The following KIAA0319 variants were observed in gnomAD, a reference collection of about 807,000 sequenced individuals.
KIAA0319 encodes the protein dyslexia-associated protein KIAA0319.
KIAA0319 carries 83 observed loss-of-function variants against 108.4 expected under a neutral mutation model. That is an observed-to-expected ratio of 0.77 (90% CI 0.64 to 0.92). The LOEUF (loss-of-function observed/expected upper bound fraction) is 0.92, where lower values mean the gene tolerates loss of function less well. KIAA0319 is among the 40% of genes least tolerant of loss of function. KIAA0319 has a pLI of 0.00. For missense variants in KIAA0319, 1,195 were observed against 1,322.4 expected (o/e 0.90, Z 1.49); for synonymous variants, 484 against 510.4 (o/e 0.95, Z 0.70).
rs374927235 is a variant in KIAA0319, at chr6:24,568,940, T to C, written c.1992-11A>G. The C allele has an allele frequency of 3.1e-6, 5 of 1,613,376 alleles. No homozygotes were observed. Among genetic ancestry groups the C allele is most frequent in the Non-Finnish European group, 4.2e-6 (5 of 1,179,386 alleles). ...ACTGCACTGGGGCCTCTATAAAACATAGAAGTGGTTAACATAAGGGAGGGG... is the reference window on the plus strand; with the variant it reads ...ACTGCACTGGGGCCTCTATAAAACACAGAAGTGGTTAACATAAGGGAGGGG... On this transcript the variant is annotated splice_polypyrimidine_tract_variant and intron_variant, in intron 12 of 20. Coordinates refer to ENST00000378214, the MANE Select transcript of KIAA0319 (RefSeq NM_014809.4).
chr6:24,591,309 C>T (rs747088751), intron 3 of KIAA0319, among the ~76,000 whole-genome samples: 20 of 152,044 alleles, frequency 1.3e-4, no homozygotes, highest in African/African-American at 2.7e-4. Flanking sequence ...GACTGTCTTC[C>T]GAAGCAGCTA....
intron 1 of KIAA0319, among the ~76,000 whole-genome samples, chr6:24,613,120 T>A (rs190696064): frequency 4.9e-4 from 75 of 152,292 alleles, no homozygotes; most frequent in Admixed American, 2.0e-3. Context: ...TTTTAATATT[T>A]AAAAAAATAA....
chr6:24,593,334 G>A (rs957905298), intron 3 of KIAA0319, among the ~76,000 whole-genome samples: 4 of 149,302 alleles, frequency 2.7e-5, no homozygotes, highest in African/African-American at 4.9e-5. Context: ...TCTCTAACAC[G>A]TGTTCATTTT....
rs1206971145 is a variant in KIAA0319, at chr6:24,563,406, C to T, written c.2544G>A (p.Leu848=). The change falls in exon 16 of 21, where the codon CTG becomes CTA. Residue 848 remains leucine (L), a synonymous_variant. Coordinates refer to ENST00000378214, the MANE Select transcript of KIAA0319 (RefSeq NM_014809.4). The part of the protein sequence containing the change: ...VRQLAVLLNV[L]DSDIKVQKIR... ...TCTTCTGGACCTTAATGTCCGAGTC[C>T]AGCACGTTCAGCAGCACAGCCAGCT... is the stretch of plus-strand genomic sequence containing the variant. 6.2e-7 allele frequency: 1 copy of T among 1,613,726 alleles called. No homozygotes were observed. Among genetic ancestry groups the T allele is most frequent in the Non-Finnish European group, 8.5e-7 (1 of 1,179,910 alleles).
chr6:24,634,563 G>A (rs1004690413), intron 1 of KIAA0319, among the ~76,000 whole-genome samples: 1 of 152,146 alleles, frequency 6.6e-6, no homozygotes, highest in Non-Finnish European at 1.5e-5. Context: ...ATAAGAGGCA[G>A]AATTCCAAAA....
At chr6:24,578,286 G>A in intron 8 of KIAA0319, 44 bp from the exon 9 acceptor site, 5 of 1,443,622 alleles carry the variant, frequency 3.5e-6, no homozygotes, top group Non-Finnish European at 4.8e-6. Flanking sequence ...TACAAGAAGA[G>A]GAAGACATAA....
chr6:24,542,639 T>C (rs1001993473), downstream of KIAA0319, among the ~76,000 whole-genome samples: 1 of 152,116 alleles, frequency 6.6e-6, no homozygotes, highest in African/African-American at 2.4e-5. Context: ...CACTTGAGCC[T>C]GGGAGGTCCA....
At chr6:24,540,580 T>C (rs1444291129), downstream of KIAA0319, among the ~76,000 whole-genome samples, 1 of 152,152 alleles carries the variant, frequency 6.6e-6, no homozygotes, top group East Asian at 1.9e-4. Flanking sequence ...GAAGCTTTGC[T>C]GCTTGCTAAT....
intron 20 of KIAA0319, among the ~76,000 whole-genome samples, chr6:24,548,135 C>T (rs1760900988): frequency 6.6e-6 from 1 of 152,142 alleles, no homozygotes; most frequent in African/African-American, 2.4e-5. Context: ...AGGAGATAAG[C>T]ACATATACTT....
chr6:24,641,451 C>T (rs1048849829), intron 1 of KIAA0319, among the ~76,000 whole-genome samples: 1 of 152,150 alleles, frequency 6.6e-6, no homozygotes, highest in African/African-American at 2.4e-5. Context: ...AATGGTCAAA[C>T]AGGTGGAAGA....
Position 24,554,578 on chromosome 6 carries a change from C to T in KIAA0319, c.2911G>A (p.Gly971Arg). The T allele has an allele frequency of 6.2e-7, 1 of 1,614,096 alleles. No homozygotes were observed. The highest frequency in any genetic ancestry group is 8.5e-7 in the Non-Finnish European group (1 of 1,180,004). Residue 971 changes from glycine to arginine, a missense_variant, in exon 19 of 21, where the codon GGA becomes AGA. By Grantham distance (125) the Gly-to-Arg change is moderately radical. Transcript: ENST00000378214. ...VLAFTLIVLT[G>R]GFTWLCICCC... ...CAGATGCAAAGCCAAGTGAAACCTC[C>T]TGTTAGCACAATAAGAGTAAAAGCC...
At chr6:24,593,557 C>T (rs532084056) in intron 3 of KIAA0319, among the ~76,000 whole-genome samples, 9 of 151,704 alleles carry the variant, frequency 5.9e-5, no homozygotes, top group South Asian at 2.1e-4. Flanking sequence ...CATACCGCCA[C>T]GCCTGGCTAA....
chr6:24,620,637 C>G (rs922357168), intron 1 of KIAA0319, among the ~76,000 whole-genome samples: 1 of 152,140 alleles, frequency 6.6e-6, no homozygotes, highest in Non-Finnish European at 1.5e-5. Context: ...TATCTTCAAT[C>G]TTTCCCTAAA....
Position 24,599,456 on chromosome 6 carries a change from AT to A in KIAA0319, c.55+1592del. On this transcript the variant is annotated intron_variant, in intron 2 of 20. Coordinates refer to ENST00000378214, the MANE Select transcript of KIAA0319 (RefSeq NM_014809.4). The surrounding 1 kb of genome is among the most constrained non-coding windows in gnomAD (Gnocchi z 4.1). ...TGCAGTGGGCCATGCAGGACATGGC[AT>A]GGCAGCTGCATGAGTACCAGGAGCT... 1 of 552,660 alleles carries A rather than the reference AT, an allele frequency of 1.8e-6. No homozygotes were observed. 34.2% of individuals were successfully genotyped at this position (552,660 alleles called of 1,614,324 possible).
chr6:24,624,576 A>C (rs561157392), intron 1 of KIAA0319, among the ~76,000 whole-genome samples: 1 of 152,286 alleles, frequency 6.6e-6, no homozygotes, highest in African/African-American at 2.4e-5. Flanking sequence ...AAAAAATAGA[A>C]AATGATCTAT....
intron 16 of KIAA0319, among the ~76,000 whole-genome samples, chr6:24,561,011 T>C (rs775289266): frequency 2.0e-4 from 31 of 152,246 alleles, no homozygotes; most frequent in Admixed American, 5.2e-4. Context: ...CCTGTGGTTT[T>C]GTCCTTTATC....
chr6:24,588,693 C>G lies in KIAA0319; in HGVS notation c.894G>C (p.Gly298=). The G allele has an allele frequency of 6.2e-7, 1 of 1,613,874 alleles. No individual in the cohort carries two copies. Among genetic ancestry groups the G allele is most frequent in the South Asian group, 1.1e-5 (1 of 91,062 alleles). Residue 298 remains glycine, a synonymous_variant, in exon 4 of 21, where the codon GGG becomes GGC. Coordinates refer to ENST00000378214, the MANE Select transcript of KIAA0319 (RefSeq NM_014809.4). ...GTGTTGGGATGCTGTGCTCTGTACTCCCCGGGGTGACTGTGAGCACTGGGC... is the reference window on the plus strand; with the variant it reads ...GTGTTGGGATGCTGTGCTCTGTACTGCCCGGGGTGACTGTGAGCACTGGGC... ...EKSPVLTVTP[G]STEHSIPTPP...
chr6:24,607,702 G>A (rs919871252), intron 1 of KIAA0319, among the ~76,000 whole-genome samples: 1 of 152,088 alleles, frequency 6.6e-6, no homozygotes, highest in African/African-American at 2.4e-5. Context: ...TGAGGAAAGC[G>A]ACTAATTTAA....
At chr6:24,602,288 G>C (rs1481869201) in intron 1 of KIAA0319, among the ~76,000 whole-genome samples, 3 of 152,128 alleles carry the variant, frequency 2.0e-5, no homozygotes, top group African/African-American at 7.2e-5. Context: ...ACGATTACAG[G>C]CGTGAGCCAT....
Sources: allele counts gnomAD v4.1 joint callset (sites outside exome capture counted in the v4.1 genomes callset), GRCh38; gene constraint gnomAD v4.1.1; non-coding constraint Gnocchi (gnomAD v3.1); transcripts MANE v1.5; gene names NCBI Gene and HGNC (gene_info 2026-07-23, HGNC 2026-07-21).